The following DST variants were observed in gnomAD, a reference collection of about 807,000 sequenced individuals.
The protein encoded by DST is dystonin.
DST carries 253 observed loss-of-function variants against 875.2 expected under a neutral mutation model. The ratio of observed to expected loss-of-function variants is 0.29; its 90% CI spans 0.26 to 0.32. DST has a LOEUF of 0.32. DST is among the 10% of genes least tolerant of loss of function. The pLI is 1.00. For synonymous variants in DST, 3,124 were observed against 3,197.1 expected, an observed-to-expected ratio of 0.98 and a Z score of 0.77; for missense variants, 8,287 against 9,111.6, an observed-to-expected ratio of 0.91 and a Z score of 3.68.
chr6:56,926,147 A>C (rs1806970420), intron 2 of DST, among the ~76,000 whole-genome samples: 1 of 151,908 alleles, frequency 6.6e-6, no homozygotes, highest in Non-Finnish European at 1.5e-5. Context: ...TAAAAAAAAA[A>C]CCTTTTTAGC....
intron 62 of DST, 102 bp from the exon 63 acceptor site, chr6:56,535,394 A>C (rs1363002074): frequency 7.5e-7 from 1 of 1,339,444 alleles, no homozygotes; most frequent in East Asian, 2.8e-5. Context: ...GTGTGGTCAC[A>C]AATTTTCTTT....
chr6:56,499,624 G>T (rs1469630129), intron 80 of DST, among the ~76,000 whole-genome samples: 1 of 152,000 alleles, frequency 6.6e-6, no homozygotes, highest in Admixed American at 6.6e-5. Context: ...GATCTTTGAG[G>T]AATGGAAAGA....
chr6:56,824,912 C>G (rs1276319501), intron 4 of DST, among the ~76,000 whole-genome samples: 2 of 146,660 alleles, frequency 1.4e-5, no homozygotes, highest in African/African-American at 5.1e-5. Flanking sequence ...CCGCCCCGTC[C>G]GGGAGGTGAG....
intron 5 of DST, among the ~76,000 whole-genome samples, chr6:56,719,096 C>T (rs576867433): frequency 1.3e-5 from 2 of 152,130 alleles, no homozygotes; most frequent in South Asian, 2.1e-4. Context: ...AGTCACACTC[C>T]TTTTGAAAAA....
At chr6:56,780,093 T>A (rs1006045942) in intron 4 of DST, among the ~76,000 whole-genome samples, 41 of 152,056 alleles carry the variant, frequency 2.7e-4, no homozygotes, top group African/African-American at 8.9e-4. Context: ...CCATGGTGCA[T>A]ATGTGCCACA....
chr6:56,869,932 T>C (rs113329936), intron 3 of DST, among the ~76,000 whole-genome samples: 2,735 of 152,132 alleles, frequency 0.018, 82 homozygotes, highest in African/African-American at 0.063. Context: ...GCAATCCACC[T>C]GCCTCGGCCT....
At position 56,635,707 on chromosome 6, in the gene DST, T is replaced by C. The variant is rs1175229223; in HGVS notation, c.3068A>G (p.Asn1023Ser). The part of the protein sequence containing the change: ...KENTAYFEFF[N>S]DAKEATDYLR... ...GTAATCAGTAGCTTCTTTGGCATCA[T>C]TGAAAAACTAAGGAAAGATGAAACC... The change falls in exon 24 of 104, where the codon AAT becomes AGT. Residue 1023 changes from asparagine (N) to serine (S), a missense_variant. By Grantham distance (46) the Asn-to-Ser change is conservative (BLOSUM62 1). This residue lies in a region of DST where 1,160 missense variants were observed against 1,424.3 expected (regional missense o/e 0.81). Coordinates refer to ENST00000680361, the MANE Select transcript of DST (RefSeq NM_001374736.1). The C allele has an allele frequency of 2.5e-6, 4 of 1,613,694 alleles. No individual in the cohort carries two copies. The highest frequency in any genetic ancestry group is 2.5e-6 in the Non-Finnish European group (3 of 1,179,872).
chr6:56,953,949 C>A, intron 1 of DST, 130 bp from the exon 2 acceptor site: 1 of 489,258 alleles, frequency 2.0e-6, no homozygotes, highest in Non-Finnish European at 3.6e-6. Flanking sequence ...GGTGGGACAT[C>A]CTGGGGGAGG....
chr6:56,847,002 C>CAAAAA (rs569665465), intron 4 of DST, among the ~76,000 whole-genome samples: 2 of 51,998 alleles, frequency 3.8e-5, no homozygotes, highest in Admixed American at 2.2e-4. Context: ...GACCCTGTCT[C>CAAAAA]AAAAAAAAAA....
At chr6:56,786,156 T>TG (rs1192381450) in intron 4 of DST, among the ~76,000 whole-genome samples, 3 of 152,008 alleles carry the variant, frequency 2.0e-5, no homozygotes, top group Admixed American at 6.6e-5. Flanking sequence ...GTCTTTCATT[T>TG]GGGGGGGAGG....
Position 56,606,284 on chromosome 6 carries a change from T to C in DST, c.8344A>G (p.Thr2782Ala), listed in dbSNP as rs372969344. 1,586 of 1,589,986 alleles carry C rather than the reference T, an allele frequency of 1.0e-3. 1 individual carries two copies. The highest frequency in any genetic ancestry group is 2.3e-3 in the South Asian group (203 of 88,442). ...YVTGQEFHSD[T>A]DHLDSMQSEE... ...CTTTGCATAGAATCTAAATGATCAG[T>C]ATCGGAGTGAAATTCCTGTCCAGTT... is the stretch of plus-strand genomic sequence containing the variant. The change falls in exon 40 of 104, where the codon ACT (threonine) becomes GCT (alanine). Residue 2782 changes from threonine to alanine, a missense_variant. Physicochemically the swap from Thr to Ala is moderately conservative, Grantham distance 58. This residue lies in a region of DST where 3,138 missense variants were observed against 3,116.6 expected (regional missense o/e 1.01). Coordinates refer to ENST00000680361, the MANE Select transcript of DST (RefSeq NM_001374736.1).
At chr6:56,865,584 G>A (rs1773614459) in intron 3 of DST, among the ~76,000 whole-genome samples, 4 of 152,046 alleles carry the variant, frequency 2.6e-5, no homozygotes, top group Admixed American at 2.6e-4. Flanking sequence ...TGGAACTCCT[G>A]GGCTCAAGCA....
chr6:56,891,905 T>A (rs957664002), intron 3 of DST, among the ~76,000 whole-genome samples: 1 of 152,112 alleles, frequency 6.6e-6, no homozygotes. Context: ...CTAATCTCCC[T>A]CTCTTCCAAC....
intron 36 of DST, chr6:56,618,440 C>A: frequency 6.2e-7 from 1 of 1,614,212 alleles, no homozygotes; most frequent in Non-Finnish European, 8.5e-7. Flanking sequence ...TTGAATTTCA[C>A]ACTGGAGCAA....
At chr6:56,833,098 C>T (rs745451920) in intron 4 of DST, among the ~76,000 whole-genome samples, 16 of 152,172 alleles carry the variant, frequency 1.1e-4, no homozygotes, top group African/African-American at 3.9e-4. Context: ...GATCGCAAGA[C>T]GAACAACCAA....
At chr6:56,678,088 C>A (rs1182147193) in intron 9 of DST, among the ~76,000 whole-genome samples, 2 of 152,180 alleles carry the variant, frequency 1.3e-5, no homozygotes, top group Admixed American at 6.5e-5. Flanking sequence ...ATCATTTTTA[C>A]ATTGTAGGCC....
chr6:56,583,301 G>A (rs2098064927), intron 49 of DST, among the ~76,000 whole-genome samples: 1 of 152,204 alleles, frequency 6.6e-6, no homozygotes, highest in South Asian at 2.1e-4. Flanking sequence ...ACTGGTGTGA[G>A]ATGGTATCTC....
At chr6:56,729,013 C>CACACACA (rs1393278812) in intron 5 of DST, among the ~76,000 whole-genome samples, 1 of 149,458 alleles carries the variant, frequency 6.7e-6, no homozygotes, top group African/African-American at 2.5e-5. Context: ...CACACACACA[C>CACACACA]GACTGGGGAA....
chr6:56,596,007 T>TTTTATTTA (rs1554444162), intron 47 of DST, among the ~76,000 whole-genome samples: 7 of 145,786 alleles, frequency 4.8e-5, no homozygotes, highest in Admixed American at 2.7e-4. Context: ...ACTTTCTTTC[T>TTTTATTTA]TTTATTTATT....
Sources: allele counts gnomAD v4.1 joint callset (sites outside exome capture counted in the v4.1 genomes callset), GRCh38; gene constraint gnomAD v4.1.1; regional missense constraint gnomAD v4.1.1; transcripts MANE v1.5; gene names NCBI Gene and HGNC (gene_info 2026-07-23, HGNC 2026-07-21).